The following NECAB2 variants were observed in gnomAD, a reference collection of about 807,000 sequenced individuals.
The protein encoded by NECAB2 is N-terminal EF-hand calcium-binding protein 2.
Under a neutral mutation model 51.9 loss-of-function variants are expected in NECAB2, and 68 were observed. That is an observed-to-expected ratio of 1.31 (90% CI 1.08 to 1.60). The LOEUF (loss-of-function observed/expected upper bound fraction) is 1.60, where lower values mean the gene tolerates loss of function less well. Among genes scored for constraint, NECAB2 ranks in the 40% most tolerant of loss-of-function variants. The pLI is 0.00. For synonymous variants in NECAB2, 329 were observed against 203.5 expected (o/e 1.62, Z -5.25); for missense variants, 854 against 490.3 (o/e 1.74, Z -7.00).
intron 6 of NECAB2, among the ~76,000 whole-genome samples, 153 bp from the exon 7 acceptor site, chr16:83,994,149 T>C (rs2084663237): frequency 6.6e-6 from 1 of 152,192 alleles, no homozygotes; most frequent in Non-Finnish European, 1.5e-5. Context: ...AAGAACCTCA[T>C]TTCCTCCTCT....
upstream of NECAB2, chr16:83,965,658 C>G (rs1567658973): frequency 6.2e-7 from 1 of 1,613,450 alleles, no homozygotes; most frequent in Non-Finnish European, 8.5e-7. Flanking sequence ...CGCAGCCTCC[C>G]CAGGCACCAG....
intron 10 of NECAB2, among the ~76,000 whole-genome samples, chr16:83,998,624 G>C (rs60753664): frequency 6.6e-6 from 1 of 152,184 alleles, no homozygotes; most frequent in East Asian, 1.9e-4. Context: ...CAAGTGTGAA[G>C]GGCTCCAGCT....
intron 1 of NECAB2, among the ~76,000 whole-genome samples, chr16:83,969,176 C>T (rs1233340027): frequency 2.0e-5 from 3 of 151,866 alleles, no homozygotes; most frequent in African/African-American, 7.3e-5. Flanking sequence ...GCCAAACCCC[C>T]ACCCTTTACC....
chr16:83,983,276 C>A (rs9933993), intron 5 of NECAB2, among the ~76,000 whole-genome samples: 212 of 152,308 alleles, frequency 1.4e-3, no homozygotes, highest in African/African-American at 4.7e-3. Context: ...CAAGCCGCAG[C>A]ATCAGTTATT....
At position 83,968,861 on chromosome 16, in the gene NECAB2, C is replaced by T; in HGVS notation, c.201+12C>T. On this transcript the variant is annotated intron_variant, in intron 1 of 12. Coordinates refer to ENST00000305202, the MANE Select transcript of NECAB2 (RefSeq NM_019065.3). Reference sequence around the variant, plus strand: ...CCGTCATCCTGGACGTGAGTACGCGCCGGCCGGGACCCCCGCCGTGGCCTC... The same window carrying T: ...CCGTCATCCTGGACGTGAGTACGCGTCGGCCGGGACCCCCGCCGTGGCCTC... 8.9e-7 allele frequency: 1 copy of T among 1,119,794 alleles called. No homozygotes were observed. The highest frequency in any genetic ancestry group is 1.1e-6 in the Non-Finnish European group (1 of 916,336). 69.4% of individuals were successfully genotyped at this position (1,119,794 alleles called of 1,614,324 possible).
chr16:83,993,438 A>G (rs922165307), intron 6 of NECAB2: 1 of 153,982 alleles, frequency 6.5e-6, no homozygotes, highest in African/African-American at 2.4e-5. Context: ...CAAGACCGCG[A>G]TGCACAGAGA....
intron 2 of NECAB2, 63 bp from the exon 3 acceptor site, chr16:83,978,381 C>T (rs1032053122): frequency 1.1e-5 from 15 of 1,357,762 alleles, no homozygotes; most frequent in East Asian, 2.3e-5. Flanking sequence ...GCCGTGCATG[C>T]ACTAGCCCCA....
chr16:83,985,313 C>CAAAAAAAAAAAAAAAAAAA (rs71148868), intron 5 of NECAB2, among the ~76,000 whole-genome samples: 3 of 30,194 alleles, frequency 9.9e-5, no homozygotes, highest in African/African-American at 1.4e-4. Flanking sequence ...ATCTCTGTCT[C>CAAAAAAAAAAAAAAAAAAA]AAAAAAAAAA....
chr16:83,999,566 T>C (rs1173275292), intron 10 of NECAB2, among the ~76,000 whole-genome samples: 1 of 152,142 alleles, frequency 6.6e-6, no homozygotes, highest in African/African-American at 2.4e-5. Flanking sequence ...GGCTGAGCAC[T>C]GTAGCCCCTC....
rs561638628 is a variant in NECAB2 at position 83,989,237 on chromosome 16, G to A, written c.460-1257G>A. ...TGGTCATTGCCATTTATTCAGCTGC[G>A]GGAACCTGCCAAGCTGTAAGAACCT... is the stretch of plus-strand genomic sequence containing the variant. On this transcript the variant is annotated intron_variant, in intron 5 of 12. Transcript: ENST00000305202. Among the ~76,000 whole-genome samples, 38 of 152,202 alleles carry A rather than the reference G, an allele frequency of 2.5e-4. No individual in the cohort carries two copies. In the South Asian group the frequency reaches 6.8e-3, roughly 27 times the overall value.
intron 11 of NECAB2, among the ~76,000 whole-genome samples, chr16:84,001,330 C>T (rs967833756): frequency 7.2e-5 from 11 of 152,064 alleles, no homozygotes; most frequent in African/African-American, 1.2e-4. Context: ...AGGCAGGAAG[C>T]GGGGCCTAGG....
Position 83,972,147 on chromosome 16 carries a change from G to T in NECAB2, c.202-4G>T. 1 of 1,613,386 alleles carries T rather than the reference G, an allele frequency of 6.2e-7. No individual in the cohort carries two copies. Among genetic ancestry groups the T allele is most frequent in the Non-Finnish European group, 8.5e-7 (1 of 1,180,022 alleles). On this transcript the variant is annotated splice_region_variant and splice_polypyrimidine_tract_variant and intron_variant, in intron 1 of 12. Transcript: ENST00000305202. ...AGGGCTGACTCCGCCTCTCTTTTCT[G>T]CAGATTTTCCGCCGTGCGGACAAAA...
chr16:83,992,359 G>A (rs936954312), intron 6 of NECAB2, among the ~76,000 whole-genome samples: 4 of 145,348 alleles, frequency 2.8e-5, no homozygotes, highest in Admixed American at 1.4e-4. Context: ...CCCATCTCCC[G>A]GGGAACACGA....
intron 6 of NECAB2, among the ~76,000 whole-genome samples, chr16:83,991,175 G>A (rs1056299415): frequency 7.9e-5 from 12 of 151,966 alleles, no homozygotes; most frequent in Admixed American, 7.2e-4. Context: ...TAGAGACGGG[G>A]TTTTGTCATG....
intron 1 of NECAB2, 83 bp from the exon 2 acceptor site, chr16:83,972,068 A>G: frequency 6.4e-7 from 1 of 1,573,640 alleles, no homozygotes; most frequent in Non-Finnish European, 8.7e-7. Flanking sequence ...GGAGAAGAGA[A>G]GGATCCCAGT....
intron 8 of NECAB2, among the ~76,000 whole-genome samples, chr16:83,996,995 C>G (rs112940457): frequency 2.6e-5 from 4 of 152,056 alleles, no homozygotes; most frequent in African/African-American, 9.7e-5. Context: ...TGGAGTCCCC[C>G]TTGCTGCCTC....
chr16:83,967,741 T>C (rs1597188099), upstream of NECAB2, among the ~76,000 whole-genome samples: 1 of 120,464 alleles, frequency 8.3e-6, no homozygotes, highest in East Asian at 2.5e-4. Context: ...GATGGATGGA[T>C]GGATGGGAGG....
rs545990077 is a variant in NECAB2 at position 83,996,769 on chromosome 16, CTT to C, written c.796-446_796-445del. On this transcript the variant is annotated intron_variant, in intron 8 of 12. Coordinates refer to ENST00000305202, the MANE Select transcript of NECAB2 (RefSeq NM_019065.3). ...CAGATGTGGTTCCTGGAGACCGAAA[CTT>C]ACAGTGGGGCAGCACCTTCCCTGGG... Among the ~76,000 whole-genome samples the C allele has an allele frequency of 1.8e-3, 269 of 152,286 alleles. 1 individual carries two copies. Among genetic ancestry groups the C allele is most frequent in the African/African-American group, 6.0e-3 (251 of 41,552 alleles).
rs1567681216 is a variant in NECAB2 at position 84,000,757 on chromosome 16, C to CT, written c.999dup (p.Val334CysfsTer4). ...CCGTGAGGCTCTCAGATGGCTTCAC[C>CT]TTTGTCATCTATGAGTTCTGGGAGA... On this transcript the variant is annotated frameshift_variant, in exon 11 of 13. Transcript: ENST00000305202. LOFTEE classifies it high-confidence loss of function. The CT allele has an allele frequency of 3.1e-6, 5 of 1,613,906 alleles. No individual in the cohort carries two copies. Among genetic ancestry groups the CT allele is most frequent in the Non-Finnish European group, 3.4e-6 (4 of 1,179,992 alleles).
Sources: allele counts gnomAD v4.1 joint callset (sites outside exome capture counted in the v4.1 genomes callset), GRCh38; gene constraint gnomAD v4.1.1; transcripts MANE v1.5; gene names NCBI Gene and HGNC (gene_info 2026-07-23, HGNC 2026-07-21).